PTPRT: variants seen among roughly 807,000 people sequenced by gnomAD.
PTPRT encodes the protein protein tyrosine phosphatase receptor type T.
Under a neutral mutation model 176.8 loss-of-function variants are expected in PTPRT, and 56 were observed. The observed-to-expected ratio is 0.32, with a 90% confidence interval of 0.26 to 0.40. The LOEUF (loss-of-function observed/expected upper bound fraction) is 0.40. Ranked by LOEUF, PTPRT falls within the 10% of genes least tolerant of loss-of-function variation. The pLI, the probability that PTPRT is intolerant of heterozygous loss-of-function variation, is 1.00. For synonymous variants in PTPRT, 783 were observed against 739.0 expected (o/e 1.06, Z -0.96); for missense variants, 1,540 against 1,908.2 (o/e 0.81, Z 3.60).
chr20:42,193,886 G>GC (rs1253456751), intron 16 of PTPRT, among the ~76,000 whole-genome samples: 1 of 152,012 alleles, frequency 6.6e-6, no homozygotes, highest in Non-Finnish European at 1.5e-5. Flanking sequence ...TTAAATTGTA[G>GC]GTTCTTTTAT....
In PTPRT at chr20:42,075,754, T is replaced by G. The variant is rs897429268; in HGVS notation, c.*5125A>C. ...GGGGTTCCCACCAGCGACGAGGAAA[T>G]GTAGATCCTGGTGAGGACTTACAGC... On this transcript the variant is annotated 3_prime_UTR_variant, in exon 31 of 31. Transcript: ENST00000373187. 1 of 203,652 alleles carries G rather than the reference T, an allele frequency of 4.9e-6. No individual in the cohort carries two copies. The highest frequency in any genetic ancestry group is 1.0e-5 in the Non-Finnish European group (1 of 99,458). The allele number at this position is 203,652 out of a possible 1,614,324, so 12.6% of individuals were successfully genotyped here.
At chr20:42,193,030 A>G (rs761709856) in intron 16 of PTPRT, among the ~76,000 whole-genome samples, 4 of 152,206 alleles carry the variant, frequency 2.6e-5, no homozygotes, top group Non-Finnish European at 4.4e-5. Flanking sequence ...ACTCGCCTTC[A>G]TGGTAGAGAG....
chr20:42,723,987 C>A (rs372521603), intron 6 of PTPRT, among the ~76,000 whole-genome samples: 11 of 152,262 alleles, frequency 7.2e-5, no homozygotes, highest in South Asian at 4.1e-4. Context: ...ATTACCTCTC[C>A]GAGGCTGTCT....
At chr20:43,157,166 A>ATGTT (rs2014546140) in intron 1 of PTPRT, among the ~76,000 whole-genome samples, 1 of 151,348 alleles carries the variant, frequency 6.6e-6, no homozygotes, top group Admixed American at 6.6e-5. Flanking sequence ...AGGCTGGGCA[A>ATGTT]CATGGCAAAA....
rs752179266 is a variant in PTPRT, at chr20:42,885,946, A to G, written c.89-14T>C. The G allele has an allele frequency of 2.5e-6, 4 of 1,595,972 alleles. No homozygotes were observed. The highest frequency in any genetic ancestry group is 3.4e-6 in the Non-Finnish European group (4 of 1,168,582). ...AGGAACAGCCACCTGTAGACAAAAG[A>G]GATATGGGTAAATACATTCCCGTGT... On this transcript the variant is annotated splice_polypyrimidine_tract_variant and intron_variant, in intron 1 of 30. Coordinates refer to ENST00000373187, the MANE Select transcript of PTPRT (RefSeq NM_007050.6).
chr20:42,869,037 C>T (rs1165888743), intron 2 of PTPRT, among the ~76,000 whole-genome samples: 3 of 152,160 alleles, frequency 2.0e-5, no homozygotes, highest in Non-Finnish European at 4.4e-5. Context: ...GTGCAGAGTG[C>T]ATAAGCTGTG....
At chr20:42,753,717 C>T (rs2076793895) in intron 6 of PTPRT, among the ~76,000 whole-genome samples, 1 of 152,226 alleles carries the variant, frequency 6.6e-6, no homozygotes, top group African/African-American at 2.4e-5. Context: ...GATGCACAAC[C>T]AGCAGAGGAC....
chr20:43,070,043 T>C (rs780656005), intron 1 of PTPRT, among the ~76,000 whole-genome samples: 1 of 152,208 alleles, frequency 6.6e-6, no homozygotes, highest in Non-Finnish European at 1.5e-5. Context: ...ACAGGCAGCC[T>C]ATGAGCCAAA....
chr20:42,516,110 G>C (rs1232419108), intron 7 of PTPRT, among the ~76,000 whole-genome samples: 8 of 115,158 alleles, frequency 6.9e-5, no homozygotes, highest in Middle Eastern at 0.01. Context: ...GTTGTGGGGT[G>C]GGGGGAGGGG....
intron 7 of PTPRT, among the ~76,000 whole-genome samples, chr20:42,525,424 G>A (rs1180245731): frequency 6.6e-6 from 1 of 152,130 alleles, no homozygotes; most frequent in Admixed American, 6.5e-5. Context: ...GAAACTCAAG[G>A]TTCTTTTTAT....
intron 3 of PTPRT, among the ~76,000 whole-genome samples, chr20:42,786,637 G>A (rs1347010684): frequency 6.6e-6 from 1 of 152,148 alleles, no homozygotes; most frequent in Non-Finnish European, 1.5e-5. Context: ...CCAAAAGCAT[G>A]GCAAATGGTA....
intron 7 of PTPRT, among the ~76,000 whole-genome samples, chr20:42,503,372 A>C (rs1021944780): frequency 1.3e-5 from 2 of 152,010 alleles, no homozygotes; most frequent in Non-Finnish European, 1.5e-5. Flanking sequence ...TATTTGTATT[A>C]TTTTTATGAT....
intron 1 of PTPRT, among the ~76,000 whole-genome samples, chr20:42,900,030 T>C (rs566258710): frequency 8.2e-4 from 125 of 152,332 alleles, no homozygotes; most frequent in Middle Eastern, 3.4e-3. Context: ...ATCCACACTT[T>C]ATGCAAGATG....
chr20:42,134,403 G>A (rs750967887), intron 18 of PTPRT, among the ~76,000 whole-genome samples: 7 of 152,170 alleles, frequency 4.6e-5, no homozygotes, highest in African/African-American at 7.2e-5. Flanking sequence ...TCAATGAGGC[G>A]AGGGGAAGGT....
intron 6 of PTPRT, among the ~76,000 whole-genome samples, chr20:42,684,280 G>A (rs1267373755): frequency 6.6e-6 from 1 of 152,048 alleles, no homozygotes; most frequent in Non-Finnish European, 1.5e-5. Flanking sequence ...GGGAGGCAGA[G>A]GTTGCAGTGA....
intron 1 of PTPRT, among the ~76,000 whole-genome samples, chr20:42,967,832 T>C (rs1482314637): frequency 1.3e-5 from 2 of 151,960 alleles, no homozygotes; most frequent in African/African-American, 2.4e-5. Flanking sequence ...CGCTACCAGA[T>C]GTCAGGAAGA....
intron 1 of PTPRT, among the ~76,000 whole-genome samples, chr20:43,137,145 A>T (rs2013857015): frequency 6.6e-6 from 1 of 152,030 alleles, no homozygotes. Context: ...ATCTAGTCCA[A>T]CCTCCTCCTG....
chr20:42,400,551 A>G (rs1342503397), intron 9 of PTPRT, among the ~76,000 whole-genome samples: 2 of 152,146 alleles, frequency 1.3e-5, no homozygotes, highest in African/African-American at 4.8e-5. Flanking sequence ...CAGGAAAGAC[A>G]CCACCAAGAA....
At chr20:42,132,771 GACTAA>G (rs1988180665) in intron 18 of PTPRT, among the ~76,000 whole-genome samples, 1 of 151,612 alleles carries the variant, frequency 6.6e-6, no homozygotes, top group African/African-American at 2.4e-5. Flanking sequence ...TTTCTTACAA[GACTAA>G]ACATACACTT....
Sources: gnomAD v4.1 joint callset for allele counts (sites outside exome capture counted in the v4.1 genomes callset) on GRCh38, gnomAD v4.1.1 for gene constraint, MANE v1.5 for transcripts, NCBI Gene and HGNC (gene_info 2026-07-23, HGNC 2026-07-21) for gene names.